The following ADAMTS3 variants were observed in gnomAD, a reference collection of about 807,000 sequenced individuals.
ADAMTS3 encodes the protein ADAM metallopeptidase with thrombospondin type 1 motif 3.
A neutral mutation model predicts 129.0 loss-of-function variants in ADAMTS3; 73 were observed. The ratio of observed to expected loss-of-function variants is 0.57; its 90% CI spans 0.47 to 0.69. The LOEUF (loss-of-function observed/expected upper bound fraction) is 0.69, where lower values mean the gene tolerates loss of function less well. Among genes scored for constraint, ADAMTS3 ranks in the 30% least tolerant of loss-of-function variants. The pLI is 0.00. For synonymous variants in ADAMTS3, 477 were observed against 510.8 expected (o/e 0.93, Z 0.89); for missense variants, 1,457 against 1,514.5 (o/e 0.96, Z 0.63).
At position 72,292,939 on chromosome 4, in the gene ADAMTS3, ATAT is replaced by A. The variant is rs376102642; in HGVS notation, c.2724-1880_2724-1878del. On this transcript the variant is annotated intron_variant, in intron 19 of 21. Coordinates refer to ENST00000286657, the MANE Select transcript of ADAMTS3 (RefSeq NM_014243.3). Reference sequence around the variant, plus strand: ...AGTGATGACTCTCTTTTGAAGACAAATATTATACTTCACAGATATAGGTACTTC... The same window carrying A: ...AGTGATGACTCTCTTTTGAAGACAAATATACTTCACAGATATAGGTACTTC... Among the ~76,000 whole-genome samples the A allele has an allele frequency of 1.4e-3, 206 of 152,298 alleles. 2 individuals carry two copies. The highest frequency in any genetic ancestry group is 4.8e-3 in the African/African-American group (201 of 41,574).
chr4:72,314,503 C>T (rs79491192), intron 11 of ADAMTS3, among the ~76,000 whole-genome samples: 4,187 of 152,252 alleles, frequency 0.028, 202 homozygotes, highest in African/African-American at 0.095. Context: ...GCTCAAGAGA[C>T]ATTAGCCATT....
chr4:72,557,990 T>A (rs1721809773), intron 2 of ADAMTS3, among the ~76,000 whole-genome samples: 1 of 151,802 alleles, frequency 6.6e-6, no homozygotes, highest in Non-Finnish European at 1.5e-5. Context: ...ACTCTAAAAA[T>A]TAATATTTCT....
intron 17 of ADAMTS3, among the ~76,000 whole-genome samples, chr4:72,298,700 A>G (rs1718872109): frequency 6.6e-6 from 1 of 152,014 alleles, no homozygotes; most frequent in African/African-American, 2.4e-5. Flanking sequence ...TATTATAAAA[A>G]TAATAACTTT....
chr4:72,423,033 C>T (rs1722485333), intron 3 of ADAMTS3, among the ~76,000 whole-genome samples: 1 of 152,000 alleles, frequency 6.6e-6, no homozygotes, highest in Non-Finnish European at 1.5e-5. Context: ...AAATTCTGTG[C>T]CAAATATTCT....
chr4:72,566,022 A>C (rs1038719895), intron 2 of ADAMTS3, among the ~76,000 whole-genome samples: 3 of 151,828 alleles, frequency 2.0e-5, no homozygotes, highest in Admixed American at 6.5e-5. Context: ...TCCCTACTTA[A>C]GAGTTGGTTA....
intron 4 of ADAMTS3, among the ~76,000 whole-genome samples, chr4:72,383,293 C>G (rs1166845838): frequency 1.3e-5 from 2 of 152,058 alleles, no homozygotes; most frequent in South Asian, 2.1e-4. Context: ...TGAACAAATG[C>G]AGGGAGAAGC....
At chr4:72,321,334 G>A (rs2109809375) in intron 6 of ADAMTS3, among the ~76,000 whole-genome samples, 1 of 145,810 alleles carries the variant, frequency 6.9e-6, no homozygotes, top group Non-Finnish European at 1.5e-5. Context: ...ACCATTCCTG[G>A]CTTTTTTTTT....
intron 4 of ADAMTS3, among the ~76,000 whole-genome samples, chr4:72,347,581 T>C (rs1720322343): frequency 6.6e-6 from 1 of 152,130 alleles, no homozygotes; most frequent in Non-Finnish European, 1.5e-5. Flanking sequence ...TTATTCTTTT[T>C]CAGCTAAATC....
intron 3 of ADAMTS3, among the ~76,000 whole-genome samples, chr4:72,434,582 C>T (rs1048394756): frequency 6.6e-6 from 1 of 151,832 alleles, no homozygotes; most frequent in African/African-American, 2.4e-5. Context: ...ACAGTGTGCA[C>T]ATCCTGCATA....
chr4:72,331,737 T>C lies in ADAMTS3; in HGVS notation c.861+7757A>G, dbSNP rs78387017. Among the ~76,000 whole-genome samples, 4 of 152,086 alleles carry C rather than the reference T, an allele frequency of 2.6e-5. No homozygotes were observed. The East Asian group carries it at 7.7e-4, about 29-fold the overall frequency. On this transcript the variant is annotated intron_variant, in intron 5 of 21. Transcript: ENST00000286657. ...GCTGTTCCCCATCTTCCAAGACCTATCTCCCCTTTTTCTAGCAGGAAAATG... is the reference window on the plus strand; with the variant it reads ...GCTGTTCCCCATCTTCCAAGACCTACCTCCCCTTTTTCTAGCAGGAAAATG...
At chr4:72,452,331 T>C (rs1346902861) in intron 3 of ADAMTS3, among the ~76,000 whole-genome samples, 2 of 151,304 alleles carry the variant, frequency 1.3e-5, no homozygotes, top group African/African-American at 2.4e-5. Flanking sequence ...ATAATAAGTA[T>C]AGTTGGGATA....
Position 72,520,308 on chromosome 4 carries a change from A to T in ADAMTS3, c.504+28170T>A, listed in dbSNP as rs1488613303. Among the ~76,000 whole-genome samples, 5 of 152,302 alleles carry T rather than the reference A, an allele frequency of 3.3e-5. No homozygotes were observed. The East Asian group carries it at 9.7e-4, about 29-fold the overall frequency. On this transcript the variant is annotated intron_variant, in intron 3 of 21. Transcript: ENST00000286657. The stretch of plus-strand genomic sequence containing the variant: ...TCAGGGGTCAGGGACCCACTTGAGG[A>T]GGCAGTCTGCTTGTTCTCAGATCTC...
intron 3 of ADAMTS3, among the ~76,000 whole-genome samples, chr4:72,514,896 A>G (rs1002039144): frequency 7.2e-5 from 11 of 152,110 alleles, no homozygotes; most frequent in African/African-American, 2.7e-4. Flanking sequence ...CAGGTTAGTT[A>G]CATATGTATA....
chr4:72,430,903 A>G (rs1223638556), intron 3 of ADAMTS3, among the ~76,000 whole-genome samples: 1 of 151,822 alleles, frequency 6.6e-6, no homozygotes, highest in African/African-American at 2.4e-5. Context: ...AGATTATAAT[A>G]TAAATTAAAT....
intron 3 of ADAMTS3, among the ~76,000 whole-genome samples, chr4:72,452,389 G>T (rs143244385): frequency 0.018 from 2,733 of 151,626 alleles, 314 homozygotes; most frequent in Admixed American, 0.17. Context: ...TCATAAAACA[G>T]ATCTTTTTCT....
intron 4 of ADAMTS3, among the ~76,000 whole-genome samples, chr4:72,388,233 C>T (rs1432479016): frequency 1.3e-5 from 2 of 152,198 alleles, no homozygotes; most frequent in African/African-American, 4.8e-5. Context: ...GCTCCCAAAC[C>T]TCAGGTCCTC....
chr4:72,286,495 A>G (rs1432575016), intron 21 of ADAMTS3, among the ~76,000 whole-genome samples: 7 of 152,358 alleles, frequency 4.6e-5, no homozygotes, highest in African/African-American at 1.4e-4. Flanking sequence ...TAAGGGTTGA[A>G]GACTTAAAGC....
chr4:72,470,376 TAC>T lies in ADAMTS3; in HGVS notation c.505-55407_505-55406del, dbSNP rs373903285. On this transcript the variant is annotated intron_variant, in intron 3 of 21. Coordinates refer to ENST00000286657, the MANE Select transcript of ADAMTS3 (RefSeq NM_014243.3). ...TATTTTAAGTTTATATATATATATA[TAC>T]ACACACACACACACACACACACACA... Among the ~76,000 whole-genome samples, 730 of 137,932 alleles carry T rather than the reference TAC, an allele frequency of 5.3e-3. 7 individuals carry two copies. The highest frequency in any genetic ancestry group is 0.012 in the African/African-American group (462 of 37,568). 90.5% of individuals were successfully genotyped at this position (137,932 alleles called of 152,430 possible). A position where few individuals can be genotyped will look rare whatever the true frequency, so the allele number is the denominator to read the frequency against.
At chr4:72,353,063 A>C (rs1720485376) in intron 4 of ADAMTS3, among the ~76,000 whole-genome samples, 1 of 151,718 alleles carries the variant, frequency 6.6e-6, no homozygotes, top group Non-Finnish European at 1.5e-5. Context: ...ACAATAAATT[A>C]AGTGGTCATT....
Sources: gnomAD v4.1 joint callset for allele counts (sites outside exome capture counted in the v4.1 genomes callset) on GRCh38, gnomAD v4.1.1 for gene constraint, MANE v1.5 for transcripts, NCBI Gene and HGNC (gene_info 2026-07-23, HGNC 2026-07-21) for gene names.